Variants in ICA1 observed in about 807,000 individuals in gnomAD.
ICA1 encodes 69 kDa islet cell autoantigen.
Under a neutral mutation model 71.0 loss-of-function variants are expected in ICA1, and 40 were observed. The observed-to-expected ratio is 0.56, with a 90% CI of 0.44 to 0.73. The LOEUF is 0.73. Ranked by LOEUF, ICA1 falls within the 30% of genes least tolerant of loss-of-function variation. The pLI, the probability that ICA1 is intolerant of heterozygous loss-of-function variation, is 0.00. For missense variants in ICA1, 578 were observed against 576.5 expected, an observed-to-expected ratio of 1.00 and a Z score of -0.03; for synonymous variants, 207 against 209.5, an observed-to-expected ratio of 0.99 and a Z score of 0.10.
intron 6 of ICA1, among the ~76,000 whole-genome samples, chr7:8,159,874 T>C (rs2348896): frequency 0.24 from 36,342 of 152,084 alleles, 4,938 homozygotes; most frequent in African/African-American, 0.39. Flanking sequence ...TAAAAAGCTG[T>C]ACATATTCAG....
At chr7:8,138,909 T>C (rs757215873) in intron 11 of ICA1, 28 bp from the exon 12 acceptor site, 2 of 1,601,734 alleles carry the variant, frequency 1.2e-6, no homozygotes, top group African/African-American at 1.3e-5. Flanking sequence ...GAAAACAAAA[T>C]TATAAGTCAG....
chr7:8,125,241 A>G (rs1788718575), intron 13 of ICA1, among the ~76,000 whole-genome samples: 1 of 152,184 alleles, frequency 6.6e-6, no homozygotes, highest in Non-Finnish European at 1.5e-5. Context: ...GGCTGAAAAA[A>G]GGTCTAAGTT....
chr7:8,253,911 A>T (rs1809100735), intron 1 of ICA1, among the ~76,000 whole-genome samples: 1 of 152,232 alleles, frequency 6.6e-6, no homozygotes, highest in South Asian at 2.1e-4. Context: ...GACTATAATT[A>T]TATGAAATTG....
At chr7:8,165,072 C>T (rs921316154) in intron 6 of ICA1, among the ~76,000 whole-genome samples, 1 of 152,004 alleles carries the variant, frequency 6.6e-6, no homozygotes. Context: ...GACAGTAAGA[C>T]CCTGTCTCAA....
intron 6 of ICA1, among the ~76,000 whole-genome samples, chr7:8,208,350 T>C (rs2128363127): frequency 6.6e-6 from 1 of 152,308 alleles, no homozygotes; most frequent in Admixed American, 6.5e-5. Context: ...ACTGCTCCTG[T>C]TTGAAATTTA....
At chr7:8,174,111 G>A (rs1457562413) in intron 6 of ICA1, among the ~76,000 whole-genome samples, 1 of 152,108 alleles carries the variant, frequency 6.6e-6, no homozygotes, top group Non-Finnish European at 1.5e-5. Context: ...ATCTCAGGGG[G>A]AAGAAGACTC....
chr7:8,217,526 G>T (rs1316283078), intron 6 of ICA1, among the ~76,000 whole-genome samples: 1 of 152,162 alleles, frequency 6.6e-6, no homozygotes, highest in Non-Finnish European at 1.5e-5. Context: ...ACAATATTAT[G>T]TCAAGCCTAA....
At chr7:8,237,135 T>C (rs1204196903) in intron 1 of ICA1, among the ~76,000 whole-genome samples, 1 of 152,232 alleles carries the variant, frequency 6.6e-6, no homozygotes, top group Non-Finnish European at 1.5e-5. Context: ...GACAGCATCC[T>C]GCAGTGAACA....
chr7:8,163,077 T>C (rs532174797), intron 6 of ICA1, among the ~76,000 whole-genome samples: 6 of 152,130 alleles, frequency 3.9e-5, no homozygotes, highest in Non-Finnish European at 8.8e-5. Context: ...TGGCCATGTA[T>C]TTTAGAGCCT....
intron 13 of ICA1, among the ~76,000 whole-genome samples, chr7:8,124,412 C>G (rs1788324780): frequency 6.6e-6 from 1 of 151,464 alleles, no homozygotes; most frequent in African/African-American, 2.4e-5. Flanking sequence ...AGCCACCGCG[C>G]CCAGCCGTGT....
chr7:8,217,198 T>G (rs1246971542), intron 6 of ICA1, among the ~76,000 whole-genome samples: 1 of 152,258 alleles, frequency 6.6e-6, no homozygotes, highest in Non-Finnish European at 1.5e-5. Flanking sequence ...AGAAGTCAGA[T>G]GTTGCTGACA....
In ICA1 at chr7:8,173,429, CA is replaced by C. The variant is rs1779506510; in HGVS notation, c.580-14778del. Reference sequence around the variant, plus strand: ...GTTCATAATAATACTTAAAAACAAGCAAATGAACAAATCAACAGAAAAACAA... The same window carrying C: ...GTTCATAATAATACTTAAAAACAAGCAATGAACAAATCAACAGAAAAACAA... On this transcript the variant is annotated intron_variant, in intron 6 of 13. Transcript: ENST00000402384. This position sits in a 1 kb window ranked among gnomAD's most constrained non-coding sequence, Gnocchi z 4.0. 6.6e-6 allele frequency among the ~76,000 whole-genome samples: 1 copy of C among 152,120 alleles called. No individual in the cohort carries two copies. The highest frequency in any genetic ancestry group is 2.4e-5 in the African/African-American group (1 of 41,416).
intron 1 of ICA1, among the ~76,000 whole-genome samples, chr7:8,255,329 A>G (rs1809702876): frequency 6.6e-6 from 1 of 152,180 alleles, no homozygotes; most frequent in Admixed American, 6.5e-5. Flanking sequence ...ACTTTTGACC[A>G]CGTTCTCTTC....
At chr7:8,228,976 G>A (rs903740924) in intron 3 of ICA1, among the ~76,000 whole-genome samples, 11 of 151,586 alleles carry the variant, frequency 7.3e-5, no homozygotes, top group African/African-American at 2.2e-4. Context: ...CTAAGTGAAG[G>A]GCCTAGTTAG....
At chr7:8,152,720 C>CACCACT in intron 8 of ICA1, among the ~76,000 whole-genome samples, 1 of 138,278 alleles carries the variant, frequency 7.2e-6, no homozygotes, top group Non-Finnish European at 1.6e-5. Flanking sequence ...TCACCTCCTC[C>CACCACT]ACCATCACCA....
intron 6 of ICA1, among the ~76,000 whole-genome samples, chr7:8,175,727 T>C (rs1780404668): frequency 6.6e-6 from 1 of 152,214 alleles, no homozygotes; most frequent in African/African-American, 2.4e-5. Flanking sequence ...ACGGGGATTA[T>C]GGGTTCAAAA....
At position 8,158,497 on chromosome 7, in the gene ICA1, G is replaced by A. The variant is rs368526579; in HGVS notation, c.705+30C>T. ...GTTATTTAAACCTTGTGCCATCCTT[G>A]GTTCATTGCAACAAACATTATTTTG... is the stretch of plus-strand genomic sequence containing the variant. On this transcript the variant is annotated intron_variant, in intron 7 of 13. Coordinates refer to ENST00000402384, the MANE Select transcript of ICA1 (RefSeq NM_001136020.3). 7 of 1,612,156 alleles carry A rather than the reference G, an allele frequency of 4.3e-6. No individual in the cohort carries two copies. In the African/African-American group the frequency reaches 8.0e-5, roughly 18 times the overall value.
chr7:8,213,998 CAAAT>C, intron 6 of ICA1, among the ~76,000 whole-genome samples: 1 of 152,212 alleles, frequency 6.6e-6, no homozygotes. Context: ...AAACACTAGA[CAAAT>C]GCTGTAGGAT....
intron 1 of ICA1, among the ~76,000 whole-genome samples, chr7:8,255,705 T>TTCC (rs72564383): frequency 2.0e-5 from 3 of 151,428 alleles, no homozygotes; most frequent in Non-Finnish European, 4.4e-5. Context: ...CAAATTCTTC[T>TTCC]TTCTGTGGTC....
Sources: gnomAD v4.1 joint callset for allele counts (sites outside exome capture counted in the v4.1 genomes callset) on GRCh38, gnomAD v4.1.1 for gene constraint, Gnocchi (gnomAD v3.1) non-coding constraint, MANE v1.5 for transcripts, NCBI Gene and HGNC (gene_info 2026-07-23, HGNC 2026-07-21) for gene names.